Variants in MAGI1 observed in about 807,000 individuals in gnomAD.
MAGI1 encodes the protein membrane associated guanylate kinase, WW and PDZ domain containing 1.
MAGI1 carries 58 observed loss-of-function variants against 139.9 expected under a neutral mutation model. That is an observed-to-expected ratio of 0.41 (90% CI 0.34 to 0.52). The LOEUF (loss-of-function observed/expected upper bound fraction) is 0.52. MAGI1 is among the 20% of genes least tolerant of loss of function. The pLI, the probability that MAGI1 is intolerant of heterozygous loss-of-function variation, is 0.12. For missense variants in MAGI1, 1,874 were observed against 1,901.6 expected (o/e 0.99, Z 0.27); for synonymous variants, 812 against 737.9 (o/e 1.10, Z -1.63).
chr3:65,732,239 A>C (rs752986828), intron 1 of MAGI1, among the ~76,000 whole-genome samples: 17 of 152,188 alleles, frequency 1.1e-4, no homozygotes, highest in Non-Finnish European at 2.4e-4. Context: ...GGTGCTCTGC[A>C]CTTAGGTAAA....
rs191258064 is a variant in MAGI1 at position 65,789,332 on chromosome 3, G to A, written c.314-167244C>T. On this transcript the variant is annotated intron_variant, in intron 1 of 22. Coordinates refer to ENST00000402939, the MANE Select transcript of MAGI1 (RefSeq NM_001033057.2). ...CCACCACTCCCAAAGGATGCTTAAC[G>A]TTCCCCAGTCAAGAGCTCCTCTAGG... 4.9e-4 allele frequency among the ~76,000 whole-genome samples: 74 copies of A among 152,172 alleles called. 1 individual carries two copies. The highest frequency in any genetic ancestry group is 1.7e-3 in the African/African-American group (69 of 41,508).
At chr3:65,502,562 G>A (rs2077123328) in intron 2 of MAGI1, among the ~76,000 whole-genome samples, 2 of 152,182 alleles carry the variant, frequency 1.3e-5, no homozygotes, top group East Asian at 3.9e-4. Flanking sequence ...TTCAAATCCA[G>A]CCTGGGTAAC....
intron 2 of MAGI1, among the ~76,000 whole-genome samples, chr3:65,536,741 T>C (rs56316401): frequency 0.022 from 3,324 of 152,180 alleles, 76 homozygotes; most frequent in Admixed American, 0.06. Context: ...GTTGTAACCA[T>C]TGAGAAAAAG....
intron 2 of MAGI1, among the ~76,000 whole-genome samples, chr3:65,563,903 G>A (rs189029980): frequency 3.4e-4 from 52 of 152,236 alleles, no homozygotes; most frequent in Middle Eastern, 6.8e-3. Context: ...TATTATCATG[G>A]TTACAAGCCT....
At chr3:66,025,071 G>C (rs2068176957) in intron 1 of MAGI1, among the ~76,000 whole-genome samples, 1 of 152,166 alleles carries the variant, frequency 6.6e-6, no homozygotes, top group African/African-American at 2.4e-5. Context: ...AATATCTGAA[G>C]ATGTTCGCTA....
chr3:65,644,347 T>C (rs904859339), intron 1 of MAGI1, among the ~76,000 whole-genome samples: 1 of 145,496 alleles, frequency 6.9e-6, no homozygotes, highest in South Asian at 2.1e-4. Context: ...CAAACAGTCA[T>C]CCTAAAAATG....
intron 6 of MAGI1, among the ~76,000 whole-genome samples, chr3:65,450,894 A>C (rs1358649532): frequency 1.3e-5 from 2 of 152,196 alleles, no homozygotes; most frequent in Non-Finnish European, 2.9e-5. Flanking sequence ...TTTGTGTTAT[A>C]AATAATAACA....
chr3:65,689,070 G>A (rs58029386), intron 1 of MAGI1, among the ~76,000 whole-genome samples: 1,840 of 152,280 alleles, frequency 0.012, 37 homozygotes, highest in African/African-American at 0.042. Context: ...CTAAAATGTG[G>A]CATCTAATGC....
chr3:65,914,792 A>G (rs1263498902), intron 1 of MAGI1, among the ~76,000 whole-genome samples: 1 of 152,224 alleles, frequency 6.6e-6, no homozygotes, highest in East Asian at 1.9e-4. Context: ...GTACATATAC[A>G]AAGGGTTTCA....
chr3:65,580,307 T>C (rs2081358394), intron 2 of MAGI1, among the ~76,000 whole-genome samples: 1 of 132,346 alleles, frequency 7.6e-6, no homozygotes. Flanking sequence ...GTTTGTCTTT[T>C]CTTTTTTCTC....
chr3:65,391,209 G>C lies in MAGI1; in HGVS notation c.2349C>G (p.Ser783Arg). The change falls in exon 14 of 23, where the codon AGC becomes AGG. Residue 783 changes from serine (S) to arginine (R), a missense_variant. Transcript: ENST00000402939. ...AEAQAPDQTD[S>R]SGQKKPDPFK... ...AAGGATCTGGTTTTTTCTGGCCAGA[G>C]CTGTCAGTTTGATCTGGAGCTTGGG... is the stretch of plus-strand genomic sequence containing the variant. The C allele has an allele frequency of 6.2e-7, 1 of 1,614,210 alleles. No homozygotes were observed. Among genetic ancestry groups the C allele is most frequent in the Non-Finnish European group, 8.5e-7 (1 of 1,180,034 alleles).
intron 1 of MAGI1, among the ~76,000 whole-genome samples, chr3:65,877,992 C>T (rs976197030): frequency 6.6e-6 from 1 of 151,904 alleles, no homozygotes; most frequent in Non-Finnish European, 1.5e-5. Flanking sequence ...ACACCTGTGA[C>T]ACCAGCTTCT....
rs1373297672 is a variant in MAGI1 at position 66,038,739 on chromosome 3, G to A, written c.-431C>T. ...CAGGCTGTTACTGAGGGTGAGGGAA[G>A]CCCTTCCAGCCAGTTGCCGGGAGCC... On this transcript the variant is annotated 5_prime_UTR_variant, in exon 1 of 23. Coordinates refer to ENST00000402939, the MANE Select transcript of MAGI1 (RefSeq NM_001033057.2). The A allele has an allele frequency of 2.4e-5, 4 of 164,314 alleles. No homozygotes were observed. The highest frequency in any genetic ancestry group is 5.2e-5 in the Non-Finnish European group (4 of 76,330). 10.2% of individuals were successfully genotyped at this position (164,314 alleles called of 1,614,324 possible).
rs148253260 is a variant in MAGI1, at chr3:65,982,484, G to A, written c.313+55512C>T. ...GAGACACCTGGGCAACTTCCATGGTGCATTTAAAAAGGGAAGAAATGCCAG... is the reference window on the plus strand; with the variant it reads ...GAGACACCTGGGCAACTTCCATGGTACATTTAAAAAGGGAAGAAATGCCAG... On this transcript the variant is annotated intron_variant, in intron 1 of 22. Transcript: ENST00000402939. 4.1e-4 allele frequency among the ~76,000 whole-genome samples: 63 copies of A among 152,302 alleles called. 1 individual carries two copies. In the East Asian group the frequency reaches 0.012, roughly 29 times the overall value.
chr3:65,972,823 T>C (rs2065072741), intron 1 of MAGI1, among the ~76,000 whole-genome samples: 1 of 152,224 alleles, frequency 6.6e-6, no homozygotes, highest in Non-Finnish European at 1.5e-5. Context: ...TTATTTTATA[T>C]ATGGAAAATA....
At chr3:65,515,451 A>T (rs2077821279) in intron 2 of MAGI1, among the ~76,000 whole-genome samples, 1 of 152,234 alleles carries the variant, frequency 6.6e-6, no homozygotes, top group Non-Finnish European at 1.5e-5. Flanking sequence ...AAATGCTTAA[A>T]TGAATACTAA....
intron 1 of MAGI1, among the ~76,000 whole-genome samples, chr3:65,930,341 A>AAAAAAAAAAAAG (rs2062751381): frequency 7.2e-6 from 1 of 139,258 alleles, no homozygotes; most frequent in Non-Finnish European, 1.6e-5. Context: ...AAAAAAAAAA[A>AAAAAAAAAAAAG]TGTTATTTGT....
At chr3:65,697,130 T>C (rs954609116) in intron 1 of MAGI1, among the ~76,000 whole-genome samples, 7 of 151,888 alleles carry the variant, frequency 4.6e-5, no homozygotes, top group Admixed American at 1.3e-4. Context: ...CTAGAAGAAA[T>C]GGATAAATTC....
At chr3:65,613,904 T>C (rs1241991130) in intron 2 of MAGI1, among the ~76,000 whole-genome samples, 2 of 151,944 alleles carry the variant, frequency 1.3e-5, no homozygotes, top group Non-Finnish European at 2.9e-5. Flanking sequence ...GAAAAGAGTG[T>C]TTGGGAAGTC....
Sources: allele counts gnomAD v4.1 joint callset (sites outside exome capture counted in the v4.1 genomes callset), GRCh38; gene constraint gnomAD v4.1.1; transcripts MANE v1.5; gene names NCBI Gene and HGNC (gene_info 2026-07-23, HGNC 2026-07-21).